SCTR: variants seen among roughly 807,000 people sequenced by gnomAD.
SCTR encodes secretin receptor.
A neutral mutation model predicts 60.8 loss-of-function variants in SCTR; 56 were observed. That is an observed-to-expected ratio of 0.92 (90% CI 0.74 to 1.15). The LOEUF (loss-of-function observed/expected upper bound fraction) is 1.15. Among genes scored for constraint, SCTR ranks in the 50% most tolerant of loss-of-function variants. The pLI is 0.00. For missense variants in SCTR, 562 were observed against 550.4 expected (o/e 1.02, Z -0.21); for synonymous variants, 202 against 217.0 (o/e 0.93, Z 0.61).
intron 2 of SCTR, among the ~76,000 whole-genome samples, chr2:119,493,905 T>G (rs866714333): frequency 3.3e-5 from 5 of 152,078 alleles, no homozygotes; most frequent in African/African-American, 9.7e-5. Context: ...CCTCCCAAAG[T>G]GCTGGGATTA....
At chr2:119,507,944 T>G (rs1016589247) in intron 1 of SCTR, among the ~76,000 whole-genome samples, 1 of 152,190 alleles carries the variant, frequency 6.6e-6, no homozygotes, top group Non-Finnish European at 1.5e-5. Flanking sequence ...CCCAAAGTGC[T>G]GGCTCATTCT....
chr2:119,455,281 C>A (rs1017343505), intron 7 of SCTR, among the ~76,000 whole-genome samples: 3 of 152,292 alleles, frequency 2.0e-5, no homozygotes, highest in African/African-American at 7.2e-5. Flanking sequence ...CATGGGGGGA[C>A]CCCCCAACAC....
At chr2:119,500,864 C>G (rs78870628) in intron 1 of SCTR, among the ~76,000 whole-genome samples, 2 of 152,048 alleles carry the variant, frequency 1.3e-5, no homozygotes, top group African/African-American at 4.8e-5. Flanking sequence ...TTCAAAATAG[C>G]TAGAAGACAA....
chr2:119,502,132 C>T (rs76320231), intron 1 of SCTR, among the ~76,000 whole-genome samples: 7 of 152,046 alleles, frequency 4.6e-5, no homozygotes, highest in African/African-American at 1.2e-4. Context: ...GTCATGAGCC[C>T]GTAGTCCCAG....
intron 1 of SCTR, among the ~76,000 whole-genome samples, chr2:119,516,029 T>C (rs1467289518): frequency 6.6e-6 from 1 of 152,140 alleles, no homozygotes; most frequent in African/African-American, 2.4e-5. Flanking sequence ...TGAGCCATCA[T>C]CTCACACCTG....
At chr2:119,505,361 T>C (rs1678703360) in intron 1 of SCTR, among the ~76,000 whole-genome samples, 1 of 150,522 alleles carries the variant, frequency 6.6e-6, no homozygotes, top group South Asian at 2.1e-4. Flanking sequence ...TTAGGAGATA[T>C]ATCTAATGTT....
chr2:119,450,551 A>T (rs1047461451), intron 9 of SCTR, among the ~76,000 whole-genome samples: 6 of 152,082 alleles, frequency 3.9e-5, no homozygotes, highest in African/African-American at 1.4e-4. Context: ...CAAAAAAAAA[A>T]CCTAATTAAG....
intron 2 of SCTR, among the ~76,000 whole-genome samples, chr2:119,487,529 A>C (rs57525518): frequency 0.024 from 3,578 of 152,140 alleles, 124 homozygotes; most frequent in African/African-American, 0.078. Flanking sequence ...GGTCTGTCTG[A>C]CTGTCAAGCC....
At chr2:119,508,293 T>TGA (rs1678817149) in intron 1 of SCTR, among the ~76,000 whole-genome samples, 1 of 152,078 alleles carries the variant, frequency 6.6e-6, no homozygotes, top group African/African-American at 2.4e-5. Flanking sequence ...AAACTTATCC[T>TGA]GGAGTTTGCT....
At chr2:119,506,126 A>G (rs1231303696) in intron 1 of SCTR, among the ~76,000 whole-genome samples, 1 of 152,202 alleles carries the variant, frequency 6.6e-6, no homozygotes, top group African/African-American at 2.4e-5. Flanking sequence ...CAACCAGGCA[A>G]CTAAACATGC....
At chr2:119,475,514 C>T (rs1677235006) in intron 3 of SCTR, among the ~76,000 whole-genome samples, 1 of 151,822 alleles carries the variant, frequency 6.6e-6, no homozygotes, top group African/African-American at 2.4e-5. Context: ...CTCCCCACTT[C>T]CCCAGGGCTG....
intron 1 of SCTR, among the ~76,000 whole-genome samples, chr2:119,521,774 A>G (rs1679293122): frequency 6.6e-6 from 1 of 152,136 alleles, no homozygotes; most frequent in South Asian, 2.1e-4. Flanking sequence ...TTAGATTTCA[A>G]AATCAAATGT....
intron 4 of SCTR, among the ~76,000 whole-genome samples, chr2:119,472,679 T>G (rs1677074674): frequency 6.6e-6 from 1 of 152,166 alleles, no homozygotes; most frequent in Non-Finnish European, 1.5e-5. Context: ...CTGTCCTCCA[T>G]TGCCCAGGTT....
intron 4 of SCTR, among the ~76,000 whole-genome samples, chr2:119,470,319 A>G (rs955074369): frequency 2.0e-5 from 3 of 152,150 alleles, no homozygotes; most frequent in Non-Finnish European, 4.4e-5. Flanking sequence ...ACATACCTTC[A>G]CCCTCAGTTG....
chr2:119,443,156 G>A lies in SCTR; in HGVS notation c.1141-1557C>T, dbSNP rs142899996. On this transcript the variant is annotated intron_variant, in intron 11 of 12. Coordinates refer to ENST00000019103, the MANE Select transcript of SCTR (RefSeq NM_002980.3). ...CCAGGGACACATTTTCACTGTTCAG[G>A]GGAGGGAGTTAGCTGTGCTCCAGTG... is the stretch of plus-strand genomic sequence containing the variant. Among the ~76,000 whole-genome samples, 388 of 152,256 alleles carry A rather than the reference G, an allele frequency of 2.5e-3. 2 individuals are homozygous for A. The highest frequency in any genetic ancestry group is 8.9e-3 in the African/African-American group (369 of 41,560).
intron 2 of SCTR, among the ~76,000 whole-genome samples, chr2:119,488,622 A>ATAC (rs1445182590): frequency 6.6e-6 from 1 of 152,232 alleles, no homozygotes; most frequent in Non-Finnish European, 1.5e-5. Context: ...GGCATTGGTA[A>ATAC]GGTGACTGGG....
At chr2:119,458,741 G>A (rs913633890) in intron 7 of SCTR, among the ~76,000 whole-genome samples, 1 of 152,184 alleles carries the variant, frequency 6.6e-6, no homozygotes, top group Non-Finnish European at 1.5e-5. Flanking sequence ...GTTTAAGTTG[G>A]TGGCTCAGTG....
At chr2:119,443,118 G>A (rs559951966) in intron 11 of SCTR, among the ~76,000 whole-genome samples, 15 of 152,304 alleles carry the variant, frequency 9.8e-5, no homozygotes, top group East Asian at 3.9e-4. Flanking sequence ...CCTGGCCTCC[G>A]CTGCGCTAGG....
At chr2:119,517,272 G>A (rs745754399) in intron 1 of SCTR, among the ~76,000 whole-genome samples, 13 of 151,260 alleles carry the variant, frequency 8.6e-5, no homozygotes, top group Non-Finnish European at 1.8e-4. Context: ...CATTCCTCCC[G>A]CCTCAACCTC....
Sources: gnomAD v4.1 joint callset for allele counts (sites outside exome capture counted in the v4.1 genomes callset) on GRCh38, gnomAD v4.1.1 for gene constraint, MANE v1.5 for transcripts, NCBI Gene and HGNC (gene_info 2026-07-23, HGNC 2026-07-21) for gene names.